The following BBOF1 variants were observed in gnomAD, a reference collection of about 807,000 sequenced individuals.
BBOF1 encodes the protein basal body-orientation factor 1.
In BBOF1, 62 loss-of-function variants were observed where a neutral mutation model predicts 68.0. That is an observed-to-expected ratio of 0.91 (90% CI 0.74 to 1.13). The LOEUF is 1.13. Ranked by LOEUF, BBOF1 falls within the 50% of genes most tolerant of loss-of-function variation. BBOF1 has a pLI of 0.00. For missense variants in BBOF1, 534 were observed against 600.1 expected, an observed-to-expected ratio of 0.89 and a Z score of 1.15; for synonymous variants, 208 against 198.8, an observed-to-expected ratio of 1.05 and a Z score of -0.39.
intron 7 of BBOF1, among the ~76,000 whole-genome samples, chr14:74,049,104 C>T (rs992895982): frequency 6.6e-6 from 1 of 152,078 alleles, no homozygotes. Context: ...GAACTCCTGA[C>T]CTCAGGTGAT....
At position 74,055,602 on chromosome 14, in the gene BBOF1, T is replaced by G; in HGVS notation, c.1305T>G (p.Asn435Lys). 1 of 1,613,354 alleles carries G rather than the reference T, an allele frequency of 6.2e-7. No homozygotes were observed. The highest frequency in any genetic ancestry group is 8.5e-7 in the Non-Finnish European group (1 of 1,179,494). Residue 435 changes from asparagine (N) to lysine (K), a missense_variant, in exon 9 of 12, where the codon AAT becomes AAG. Asn to Lys is a moderately conservative substitution (Grantham distance 94). Transcript: ENST00000394009. ...TCTTTAGGACACATATTGAAGGAAA[T>G]GTGGATATTGGAGATTTGACCTGGG... ...EAEKWTHIEG[N>K]VDIGDLTWEQ...
At chr14:74,042,879 GACACACACACACACAC>G (rs71460947) in intron 5 of BBOF1, among the ~76,000 whole-genome samples, 58 of 143,770 alleles carry the variant, frequency 4.0e-4, no homozygotes, top group Admixed American at 2.8e-4. Context: ...CACACACACA[GACACACACACACACAC>G]ACACACACAC....
At chr14:74,052,364 G>A (rs1188697773) in intron 8 of BBOF1, among the ~76,000 whole-genome samples, 1 of 151,282 alleles carries the variant, frequency 6.6e-6, no homozygotes, top group African/African-American at 2.4e-5. Flanking sequence ...TTACATCATC[G>A]GGCTGGGCGC....
chr14:74,063,435 T>G (rs1031954598), intron 11 of BBOF1, among the ~76,000 whole-genome samples: 2 of 152,050 alleles, frequency 1.3e-5, no homozygotes, highest in Non-Finnish European at 2.9e-5. Context: ...TCTGCCTGCC[T>G]CAGCCTCCCA....
At chr14:74,037,385 T>C (rs1352017429) in intron 4 of BBOF1, among the ~76,000 whole-genome samples, 1 of 146,480 alleles carries the variant, frequency 6.8e-6, no homozygotes, top group East Asian at 2.1e-4. Flanking sequence ...TCTACTTCCC[T>C]GGGCTCAAGT....
At chr14:74,059,276 A>G in intron 11 of BBOF1, 3 of 403,746 alleles carry the variant, frequency 7.4e-6, no homozygotes, top group South Asian at 3.6e-5. Context: ...AGAAAAGAAT[A>G]TATAAAATTT....
chr14:74,052,520 C>T (rs1376057037), intron 8 of BBOF1, among the ~76,000 whole-genome samples: 1 of 152,014 alleles, frequency 6.6e-6, no homozygotes, highest in Admixed American at 6.6e-5. Context: ...TGGCACACAC[C>T]TGTAATCCCA....
chr14:74,076,858 T>C (rs2060618831), intron 9 of BBOF1, among the ~76,000 whole-genome samples: 3 of 152,136 alleles, frequency 2.0e-5, no homozygotes, highest in Admixed American at 2.0e-4. Flanking sequence ...CCTATATATA[T>C]GTTATCAAAG....
intron 1 of BBOF1, 100 bp from the exon 2 acceptor site, chr14:74,022,816 A>G (rs550585325): frequency 2.0e-6 from 1 of 496,780 alleles, no homozygotes; most frequent in Admixed American, 4.1e-5. Flanking sequence ...ACAAATAAAA[A>G]AAGAGAAAAA....
chr14:74,073,375 G>C (rs989528776), intron 9 of BBOF1, among the ~76,000 whole-genome samples: 10 of 152,032 alleles, frequency 6.6e-5, no homozygotes, highest in African/African-American at 1.2e-4. Context: ...AAAGTGCTGG[G>C]ATTACAGGCG....
At chr14:74,034,213 A>G in intron 4 of BBOF1, 42 bp downstream of exon 4, 1 of 1,369,306 alleles carries the variant, frequency 7.3e-7, no homozygotes, top group Non-Finnish European at 9.8e-7. Context: ...ATTAGAATTA[A>G]CTATTTAATG....
chr14:74,022,834 GTAATA>G (rs2059333460), intron 1 of BBOF1, 77 bp from the exon 2 acceptor site: 3 of 553,192 alleles, frequency 5.4e-6, no homozygotes, highest in African/African-American at 1.9e-5. Context: ...AAATTTAATA[GTAATA>G]TAATAGAGTT....
intron 11 of BBOF1, chr14:74,081,183 T>A (rs2060664462): frequency 6.6e-6 from 1 of 152,256 alleles, no homozygotes; most frequent in Admixed American, 6.5e-5. Context: ...TCTCACGCTA[T>A]GAAATAATAG....
intron 1 of BBOF1, 79 bp downstream of exon 1, chr14:74,019,613 C>T (rs891631635): frequency 1.3e-6 from 2 of 1,537,112 alleles, no homozygotes; most frequent in African/African-American, 2.8e-5. Context: ...ACCTGGCGCC[C>T]CCCGCGCCGG....
At chr14:74,057,003 A>G (rs760832032) in intron 10 of BBOF1, 23 bp downstream of exon 10, 14 of 1,599,512 alleles carry the variant, frequency 8.8e-6, no homozygotes, top group Non-Finnish European at 1.2e-5. Context: ...TTGCTTAAGT[A>G]ATAAACATGA....
intron 10 of BBOF1, among the ~76,000 whole-genome samples, chr14:74,080,051 C>A (rs12880122): frequency 0.51 from 75,708 of 148,874 alleles, 19,495 homozygotes; most frequent in East Asian, 0.89. Flanking sequence ...AAAACAAAAA[C>A]CAAAAAACAA....
At position 74,049,795 on chromosome 14, in the gene BBOF1, G is replaced by A. The variant is rs1388483853; in HGVS notation, c.886G>A (p.Glu296Lys). 6.2e-7 allele frequency: 1 copy of A among 1,614,054 alleles called. No individual in the cohort carries two copies. The highest frequency in any genetic ancestry group is 8.5e-7 in the Non-Finnish European group (1 of 1,180,040). Reference sequence around the variant, plus strand: ...CCTTCAGAAGAAGGTAGTAAACTTGGAGACTGCTCTGAGTTACATGACCAA... The same window carrying A: ...CCTTCAGAAGAAGGTAGTAAACTTGAAGACTGCTCTGAGTTACATGACCAA... Reference protein sequence around the residue: ...QTLQKKVVNLETALSYMTKEF... With the variant: ...QTLQKKVVNLKTALSYMTKEF... Residue 296 changes from glutamate to lysine, a missense_variant, in exon 8 of 12, where the codon GAG (glutamate) becomes AAG (lysine). Transcript: ENST00000394009.
chr14:74,046,986 C>G (rs1046661112), intron 6 of BBOF1: 9 of 152,212 alleles, frequency 5.9e-5, no homozygotes, highest in Non-Finnish European at 1.3e-4. Context: ...CCTCGGGCTT[C>G]CCAAGTGTTG....
chr14:74,052,330 A>G (rs1401190043), intron 8 of BBOF1, among the ~76,000 whole-genome samples: 5 of 151,748 alleles, frequency 3.3e-5, no homozygotes, highest in Admixed American at 3.3e-4. Context: ...CTCTATCAGC[A>G]GGGCAGAAAT....
Sources: gnomAD v4.1 joint callset for allele counts (sites outside exome capture counted in the v4.1 genomes callset) on GRCh38, gnomAD v4.1.1 for gene constraint, MANE v1.5 for transcripts, NCBI Gene and HGNC (gene_info 2026-07-23, HGNC 2026-07-21) for gene names.